The following LHFPL3 variants were observed in gnomAD, a reference collection of about 807,000 sequenced individuals.
LHFPL3 encodes the protein LHFPL tetraspan subfamily member 3 protein.
LHFPL3 carries 5 observed loss-of-function variants against 19.3 expected under a neutral mutation model. The observed-to-expected ratio is 0.26, with a 90% CI of 0.14 to 0.54. LHFPL3 has a LOEUF of 0.54. LHFPL3 is among the 20% of genes least tolerant of loss of function. LHFPL3 has a pLI of 0.94. For missense variants in LHFPL3, 249 were observed against 307.4 expected, an observed-to-expected ratio of 0.81 and a Z score of 1.42; for synonymous variants, 133 against 126.2, an observed-to-expected ratio of 1.05 and a Z score of -0.36.
intron 2 of LHFPL3, among the ~76,000 whole-genome samples, chr7:104,818,780 T>C (rs1026961221): frequency 3.4e-5 from 5 of 148,426 alleles, no homozygotes; most frequent in African/African-American, 9.8e-5. Context: ...CCTTTCTCCT[T>C]TCTCTCTCTC....
intron 1 of LHFPL3, among the ~76,000 whole-genome samples, chr7:104,400,673 G>A (rs541367720): frequency 6.6e-6 from 1 of 152,072 alleles, no homozygotes; most frequent in South Asian, 2.1e-4. Context: ...TCTCCACTCA[G>A]CCAGACTAAC....
At chr7:104,625,486 G>A (rs1187937399) in intron 1 of LHFPL3, among the ~76,000 whole-genome samples, 1 of 152,140 alleles carries the variant, frequency 6.6e-6, no homozygotes, top group African/African-American at 2.4e-5. Flanking sequence ...CACCAGCAGG[G>A]AGAAAAGTAA....
At chr7:104,732,665 C>CA in intron 1 of LHFPL3, among the ~76,000 whole-genome samples, 1 of 152,052 alleles carries the variant, frequency 6.6e-6, no homozygotes. Flanking sequence ...TTGATCTTTT[C>CA]AAAAAACCAG....
intron 1 of LHFPL3, among the ~76,000 whole-genome samples, chr7:104,616,682 T>C (rs1366068677): frequency 1.3e-5 from 2 of 152,034 alleles, no homozygotes; most frequent in East Asian, 1.9e-4. Context: ...AAAGAAACTA[T>C]CATCAGAGTG....
intron 1 of LHFPL3, among the ~76,000 whole-genome samples, chr7:104,614,521 C>A (rs1316059177): frequency 2.6e-5 from 4 of 151,848 alleles, no homozygotes; most frequent in Non-Finnish European, 4.4e-5. Context: ...TCTGAATAGG[C>A]CCACTTTCTT....
intron 2 of LHFPL3, among the ~76,000 whole-genome samples, chr7:104,872,350 AAAGT>A (rs1791853787): frequency 6.6e-6 from 1 of 151,798 alleles, no homozygotes; most frequent in Admixed American, 6.6e-5. Flanking sequence ...CAAAAAAAAA[AAAGT>A]AAGACACAGG....
chr7:104,755,577 C>CACT (rs1461141838), intron 2 of LHFPL3, among the ~76,000 whole-genome samples: 6 of 126,584 alleles, frequency 4.7e-5, no homozygotes, highest in Non-Finnish European at 8.8e-5. Flanking sequence ...CAACCCCCAA[C>CACT]ACCACCACAC....
chr7:104,885,637 G>A (rs533725602), intron 2 of LHFPL3, among the ~76,000 whole-genome samples: 7 of 151,996 alleles, frequency 4.6e-5, no homozygotes, highest in African/African-American at 1.7e-4. Flanking sequence ...TCCCAGCCTG[G>A]TCCAAGCCAC....
At chr7:104,881,597 G>C (rs542022556) in intron 2 of LHFPL3, among the ~76,000 whole-genome samples, 2 of 152,340 alleles carry the variant, frequency 1.3e-5, no homozygotes, top group African/African-American at 4.8e-5. Context: ...GGTTTCTTGA[G>C]ATGGAACCTA....
chr7:104,465,372 T>A (rs1453201430), intron 1 of LHFPL3, among the ~76,000 whole-genome samples: 1 of 152,216 alleles, frequency 6.6e-6, no homozygotes, highest in African/African-American at 2.4e-5. Context: ...GTTATCCAGT[T>A]CCAAAGTTGA....
At chr7:104,721,200 A>G (rs1021599283) in intron 1 of LHFPL3, among the ~76,000 whole-genome samples, 1 of 152,200 alleles carries the variant, frequency 6.6e-6, no homozygotes, top group Admixed American at 6.5e-5. Context: ...ATAGAATACT[A>G]TGCAGCCATA....
intron 1 of LHFPL3, among the ~76,000 whole-genome samples, chr7:104,336,414 A>G (rs1475686702): frequency 6.6e-6 from 1 of 152,156 alleles, no homozygotes; most frequent in Non-Finnish European, 1.5e-5. Flanking sequence ...GTTCTATGAT[A>G]TGCCCACTGC....
At chr7:104,865,367 G>C (rs1340078348) in intron 2 of LHFPL3, among the ~76,000 whole-genome samples, 3 of 152,170 alleles carry the variant, frequency 2.0e-5, no homozygotes, top group African/African-American at 7.2e-5. Flanking sequence ...TACCAGTGCA[G>C]AGAAGTCCTT....
chr7:104,351,693 GTGTT>G (rs1362653159), intron 1 of LHFPL3, among the ~76,000 whole-genome samples: 2 of 152,162 alleles, frequency 1.3e-5, no homozygotes, highest in East Asian at 1.9e-4. Context: ...CAAATCCTAA[GTGTT>G]TGAGCGAATT....
chr7:104,762,401 T>C (rs947543943), intron 2 of LHFPL3, among the ~76,000 whole-genome samples: 1 of 152,130 alleles, frequency 6.6e-6, no homozygotes, highest in Non-Finnish European at 1.5e-5. Context: ...AAAAATTAGA[T>C]AGCTGTGCAG....
intron 1 of LHFPL3, among the ~76,000 whole-genome samples, chr7:104,665,998 A>G (rs946317492): frequency 6.6e-6 from 1 of 152,176 alleles, no homozygotes; most frequent in African/African-American, 2.4e-5. Context: ...TACAAATCCT[A>G]TTTACAATAT....
At position 104,736,398 on chromosome 7, in the gene LHFPL3, C is replaced by T. The variant is rs370100025; in HGVS notation, c.446-277C>T. Among the ~76,000 whole-genome samples the T allele has an allele frequency of 9.2e-5, 14 of 152,204 alleles. No homozygotes were observed. The South Asian group carries it at 1.9e-3, about 20-fold the overall frequency. ...TTCTTAATATTTTCTTAACCTCTTT[C>T]GGGATGCTTGCGTTCACTGTAAAGT... On this transcript the variant is annotated intron_variant, in intron 1 of 2. Transcript: ENST00000424859.
intron 1 of LHFPL3, among the ~76,000 whole-genome samples, chr7:104,344,604 T>C (rs1049946162): frequency 2.6e-5 from 4 of 152,356 alleles, no homozygotes; most frequent in African/African-American, 9.6e-5. Flanking sequence ...TCATTCTTTT[T>C]TATGGCTGAA....
chr7:104,536,008 C>G (rs1363419130), intron 1 of LHFPL3, among the ~76,000 whole-genome samples: 1 of 152,202 alleles, frequency 6.6e-6, no homozygotes, highest in African/African-American at 2.4e-5. Flanking sequence ...CACTGCCCTA[C>G]AGCACCACGG....
Sources: allele counts gnomAD v4.1 joint callset (sites outside exome capture counted in the v4.1 genomes callset), GRCh38; gene constraint gnomAD v4.1.1; transcripts MANE v1.5; gene names NCBI Gene and HGNC (gene_info 2026-07-23, HGNC 2026-07-21).